Variants in ANKS3 observed in about 807,000 individuals in gnomAD.
ANKS3 encodes ankyrin repeat and SAM domain-containing protein 3.
Under a neutral mutation model 80.7 loss-of-function variants are expected in ANKS3, and 62 were observed. That is an observed-to-expected ratio of 0.77 (90% CI 0.63 to 0.95). ANKS3 has a LOEUF of 0.95. Among genes scored for constraint, ANKS3 ranks in the 40% least tolerant of loss-of-function variants. ANKS3 has a pLI of 0.00. For synonymous variants in ANKS3, 489 were observed against 355.3 expected, an observed-to-expected ratio of 1.38 and a Z score of -4.23; for missense variants, 1,150 against 883.6, an observed-to-expected ratio of 1.30 and a Z score of -3.82.
chr16:4,732,628 G>C (rs766410202), intron 1 of ANKS3, among the ~76,000 whole-genome samples: 1 of 142,664 alleles, frequency 7.0e-6, no homozygotes, highest in Admixed American at 7.4e-5. Flanking sequence ...GCAGTGAGCC[G>C]AGCTCAAGCC....
Position 4,701,726 on chromosome 16 carries a change from T to G in ANKS3, c.1010-183A>C, listed in dbSNP as rs2079918133. On this transcript the variant is annotated intron_variant, in intron 9 of 17. Coordinates refer to ENST00000304283, the MANE Select transcript of ANKS3 (RefSeq NM_133450.4). The stretch of plus-strand genomic sequence containing the variant: ...TCTATACAGACGGGCAGGGCTTCTG[T>G]CTTTTTTGTTCACTGATAAATCCCA... 5.5e-6 allele frequency: 3 copies of G among 545,092 alleles called. No individual in the cohort carries two copies. The South Asian group carries it at 8.4e-5, about 15-fold the overall frequency. 33.8% of individuals were successfully genotyped at this position (545,092 alleles called of 1,614,324 possible).
chr16:4,731,525 C>G lies in ANKS3; in HGVS notation c.-16G>C. On this transcript the variant is annotated 5_prime_UTR_variant, in exon 2 of 18. Transcript: ENST00000304283. ...CGAACTCCTCACCTCAGGTGATCCG[C>G]CCGCCTCAGCCTCTCAAAGTCCTGG... 4.9e-6 allele frequency: 3 copies of G among 611,752 alleles called. No homozygotes were observed. Among genetic ancestry groups the G allele is most frequent in the Non-Finnish European group, 6.1e-6 (3 of 488,528 alleles). 37.9% of individuals were successfully genotyped at this position (611,752 alleles called of 1,614,324 possible).
At chr16:4,705,910 C>CT (rs1253009450) in intron 7 of ANKS3, among the ~76,000 whole-genome samples, 5 of 149,466 alleles carry the variant, frequency 3.3e-5, no homozygotes, top group Non-Finnish European at 7.4e-5. Flanking sequence ...TTCCTAATCC[C>CT]TTCCTTTGGA....
In ANKS3 at chr16:4,701,144, G is replaced by A; in HGVS notation, c.1120-10C>T. 6.2e-7 allele frequency: 1 copy of A among 1,613,722 alleles called. No individual in the cohort carries two copies. The highest frequency in any genetic ancestry group is 8.5e-7 in the Non-Finnish European group (1 of 1,180,016). ...AGGCATGATCCGAGTCCTGCAGTGA[G>A]AGGCGTGCATCTGAAAGAGTGCGCG... On this transcript the variant is annotated splice_polypyrimidine_tract_variant and intron_variant, in intron 10 of 17. Coordinates refer to ENST00000304283, the MANE Select transcript of ANKS3 (RefSeq NM_133450.4).
intron 5 of ANKS3, among the ~76,000 whole-genome samples, 196 bp downstream of exon 5, chr16:4,726,463 G>A (rs1288551874): frequency 1.3e-5 from 2 of 152,226 alleles, no homozygotes; most frequent in Non-Finnish European, 2.9e-5. Flanking sequence ...GAAGCTGAGA[G>A]GGCTTGAAGA....
chr16:4,697,451 G>C, intron 15 of ANKS3, 35 bp from the exon 16 acceptor site: 1 of 1,518,924 alleles, frequency 6.6e-7, no homozygotes, highest in Non-Finnish European at 8.9e-7. Flanking sequence ...GTTAGCTGGG[G>C]GTCTGCGTCC....
intron 6 of ANKS3, among the ~76,000 whole-genome samples, chr16:4,723,196 T>C (rs1366471038): frequency 6.6e-6 from 1 of 152,180 alleles, no homozygotes; most frequent in Non-Finnish European, 1.5e-5. Flanking sequence ...AGTCACCCAC[T>C]TACAATGTAC....
At chr16:4,729,900 G>A in intron 3 of ANKS3, 80 bp downstream of exon 3, 1 of 1,319,316 alleles carries the variant, frequency 7.6e-7, no homozygotes, top group Non-Finnish European at 9.9e-7. Context: ...CCACAACTGT[G>A]TGCAAAGCCC....
At position 4,698,473 on chromosome 16, in the gene ANKS3, T is replaced by C. The variant is rs2079704021; in HGVS notation, c.1678A>G (p.Thr560Ala). The C allele has an allele frequency of 6.5e-7, 1 of 1,547,978 alleles. No homozygotes were observed. The highest frequency in any genetic ancestry group is 1.9e-5 in the Admixed American group (1 of 53,038). ...GCAGCATCCCGGGCCAGGGCCCACG[T>C]CTCCCGCAGCCGGGCCTGGAGGTCC... ...REDLQARLRE[T>A]WALARDAALV... The change falls in exon 14 of 18, where the codon ACG becomes GCG. Residue 560 changes from threonine to alanine, a missense_variant. Thr to Ala is a moderately conservative substitution (Grantham distance 58). Coordinates refer to ENST00000304283, the MANE Select transcript of ANKS3 (RefSeq NM_133450.4).
intron 8 of ANKS3, among the ~76,000 whole-genome samples, chr16:4,703,113 G>A (rs1007161368): frequency 6.6e-6 from 1 of 152,004 alleles, no homozygotes; most frequent in African/African-American, 2.4e-5. Context: ...ATTTATCATT[G>A]CCCCCTAAAC....
intron 1 of ANKS3, among the ~76,000 whole-genome samples, chr16:4,732,842 C>G (rs950848486): frequency 7.2e-5 from 11 of 151,886 alleles, no homozygotes; most frequent in Non-Finnish European, 1.5e-4. Context: ...TACAGTGAAT[C>G]CTAAAGAAAA....
Position 4,697,980 on chromosome 16 carries a change from C to G in ANKS3, c.1807G>C (p.Ala603Pro), listed in dbSNP as rs745911825. 6.9e-6 allele frequency: 11 copies of G among 1,590,236 alleles called. No homozygotes were observed. Among genetic ancestry groups the G allele is most frequent in the Middle Eastern group, 1.7e-4 (1 of 5,986 alleles). Residue 603 changes from alanine to proline, a missense_variant, in exon 15 of 18, where the codon GCT (alanine) becomes CCT (proline). By Grantham distance (27) the Ala-to-Pro change is conservative. Transcript: ENST00000304283. ...GGAGTCAGGCCACTGCTCTTACCAG[C>G]TGGGGGGACGGCTAGGCCCAGAGTG... is the stretch of plus-strand genomic sequence containing the variant. ...AATLGLAVPP[A>P]DSKGWQASLQ... is the part of the protein sequence containing the mutation.
intron 8 of ANKS3, among the ~76,000 whole-genome samples, chr16:4,702,553 A>G (rs1351157541): frequency 6.6e-6 from 1 of 152,174 alleles, no homozygotes; most frequent in Non-Finnish European, 1.5e-5. Context: ...AGAGAAAACT[A>G]TACCATGAGT....
intron 1 of ANKS3, among the ~76,000 whole-genome samples, chr16:4,732,653 T>C (rs1596471240): frequency 8.5e-6 from 1 of 117,078 alleles, no homozygotes; most frequent in African/African-American, 3.3e-5. Flanking sequence ...CACTCCAGCC[T>C]GGGCAACAGA....
intron 15 of ANKS3, 103 bp downstream of exon 15, chr16:4,697,874 G>C: frequency 9.0e-7 from 1 of 1,112,032 alleles, no homozygotes; most frequent in Non-Finnish European, 1.2e-6. Flanking sequence ...TGGGAGAGTG[G>C]CTGCCGGCCG....
intron 3 of ANKS3, among the ~76,000 whole-genome samples, chr16:4,728,511 C>T (rs2081471261): frequency 6.6e-6 from 1 of 152,086 alleles, no homozygotes; most frequent in Non-Finnish European, 1.5e-5. Context: ...CAGCAGGGCT[C>T]GAATGCACCC....
chr16:4,714,335 G>A lies in ANKS3; in HGVS notation c.574-149C>T, dbSNP rs183804923. ...ATCACATCTGCATGAGAAAGAGGCA[G>A]GCTTGTCTGCACCGCAGCCACAAGT... On this transcript the variant is annotated intron_variant, in intron 6 of 17. Coordinates refer to ENST00000304283, the MANE Select transcript of ANKS3 (RefSeq NM_133450.4). The A allele has an allele frequency of 3.6e-5, 44 of 1,206,434 alleles. 2 individuals carry two copies. The Admixed American group carries it at 1.0e-3, about 28-fold the overall frequency. The allele number at this position is 1,206,434 out of a possible 1,614,324, so 74.7% of individuals were successfully genotyped here.
intron 16 of ANKS3, 87 bp from the exon 17 acceptor site, chr16:4,697,191 C>A: frequency 6.4e-7 from 1 of 1,568,932 alleles, no homozygotes; most frequent in Non-Finnish European, 8.7e-7. Context: ...CAGGATGTGA[C>A]CTGCCCCTCA....
intron 1 of ANKS3, among the ~76,000 whole-genome samples, 163 bp downstream of exon 1, chr16:4,733,775 A>G (rs2081796211): frequency 6.6e-6 from 1 of 152,334 alleles, no homozygotes; most frequent in East Asian, 1.9e-4. Context: ...AAATTAAAAA[A>G]TTTTTAAAAA....
Sources: gnomAD v4.1 joint callset for allele counts (sites outside exome capture counted in the v4.1 genomes callset) on GRCh38, gnomAD v4.1.1 for gene constraint, MANE v1.5 for transcripts, NCBI Gene and HGNC (gene_info 2026-07-23, HGNC 2026-07-21) for gene names.